Variants in EYS observed in about 807,000 individuals in gnomAD.
EYS encodes the protein protein eyes shut homolog.
A neutral mutation model predicts 282.1 loss-of-function variants in EYS; 250 were observed. The observed-to-expected ratio is 0.89, with a 90% CI of 0.80 to 0.98. The LOEUF is 0.98. Among genes scored for constraint, EYS ranks in the 50% least tolerant of loss-of-function variants. The pLI is 0.00. For synonymous variants in EYS, 1,355 were observed against 1,282.9 expected, an observed-to-expected ratio of 1.06 and a Z score of -1.20; for missense variants, 4,016 against 3,709.0, an observed-to-expected ratio of 1.08 and a Z score of -2.15.
chr6:64,525,921 T>A (rs1287108446), intron 26 of EYS, among the ~76,000 whole-genome samples: 1 of 151,678 alleles, frequency 6.6e-6, no homozygotes, highest in Non-Finnish European at 1.5e-5. Context: ...CTGTACACAA[T>A]CTTTATGGTA....
chr6:65,673,132 T>C (rs1768453913), intron 1 of EYS, among the ~76,000 whole-genome samples: 1 of 152,128 alleles, frequency 6.6e-6, no homozygotes, highest in African/African-American at 2.4e-5. Context: ...ATGGCTTAGC[T>C]CGGATCAGAG....
chr6:65,593,093 G>C (rs1369683262), intron 2 of EYS, among the ~76,000 whole-genome samples: 2 of 152,004 alleles, frequency 1.3e-5, no homozygotes, highest in Non-Finnish European at 1.5e-5. Context: ...TCAATGTACA[G>C]TCCAGTAAAT....
At chr6:64,052,725 C>T (rs1562175925) in intron 33 of EYS, among the ~76,000 whole-genome samples, 1 of 151,978 alleles carries the variant, frequency 6.6e-6, no homozygotes, top group African/African-American at 2.4e-5. Context: ...TGAATCATGG[C>T]GGTGGTTTCT....
chr6:65,626,823 C>G lies in EYS; in HGVS notation c.-333+12955G>C, dbSNP rs188644713. Among the ~76,000 whole-genome samples, 73 of 151,662 alleles carry G rather than the reference C, an allele frequency of 4.8e-4. 1 individual carries two copies. Among genetic ancestry groups the G allele is most frequent in the African/African-American group, 1.7e-3 (69 of 41,366 alleles). ...GATATATATTGACTATGTGTGTGCTCGGCAGTGTTTTATGTATTGTATGGA... is the reference window on the plus strand; with the variant it reads ...GATATATATTGACTATGTGTGTGCTGGGCAGTGTTTTATGTATTGTATGGA... On this transcript the variant is annotated intron_variant, in intron 2 of 42. Coordinates refer to ENST00000503581, the MANE Select transcript of EYS (RefSeq NM_001142800.2).
chr6:65,595,442 C>G (rs1056112061), intron 2 of EYS, among the ~76,000 whole-genome samples: 1 of 151,320 alleles, frequency 6.6e-6, no homozygotes, highest in South Asian at 2.1e-4. Flanking sequence ...ACGTTGTGCA[C>G]ATGTACCCTA....
intron 36 of EYS, among the ~76,000 whole-genome samples, chr6:63,827,285 T>C (rs1323941260): frequency 6.6e-6 from 1 of 152,108 alleles, no homozygotes; most frequent in Non-Finnish European, 1.5e-5. Flanking sequence ...CAATTACTAA[T>C]AGACCTAAGA....
At chr6:64,224,390 G>A (rs1344510837) in intron 31 of EYS, among the ~76,000 whole-genome samples, 1 of 151,808 alleles carries the variant, frequency 6.6e-6, no homozygotes, top group Non-Finnish European at 1.5e-5. Context: ...TATGTCTTTT[G>A]ATTGATTGAA....
intron 33 of EYS, among the ~76,000 whole-genome samples, chr6:64,019,409 T>C (rs1769066090): frequency 1.5e-5 from 2 of 137,614 alleles, no homozygotes; most frequent in African/African-American, 2.7e-5. Flanking sequence ...GATATTTTCT[T>C]TCTTTCCTTT....
intron 29 of EYS, among the ~76,000 whole-genome samples, chr6:64,371,822 A>T (rs1261134404): frequency 6.6e-6 from 1 of 152,042 alleles, no homozygotes; most frequent in Non-Finnish European, 1.5e-5. Flanking sequence ...TGTTGTCTAA[A>T]ATTAAAAGAG....
At position 65,296,001 on chromosome 6, in the gene EYS, A is replaced by C; in HGVS notation, c.1885T>G (p.Cys629Gly). Reference protein sequence around the residue: ...LCLALSHNCNCSGLQRYERNI... With the variant: ...LCLALSHNCNGSGLQRYERNI... ...CTTTCATATCTTTGCAGACCGCTAC[A>C]GTTACAATTGTGCGAAAGGGCCAGG... The change falls in exon 12 of 43, where the codon TGT becomes GGT. Residue 629 changes from cysteine (C) to glycine (G), a missense_variant. Cys to Gly is a radical substitution (Grantham distance 159). Transcript: ENST00000503581. The C allele has an allele frequency of 6.4e-7, 1 of 1,551,264 alleles. No homozygotes were observed. The highest frequency in any genetic ancestry group is 8.7e-7 in the Non-Finnish European group (1 of 1,146,560).
Position 63,806,186 on chromosome 6 carries a change from T to C in EYS, c.7411+4A>G. On this transcript the variant is annotated splice_donor_region_variant and intron_variant, in intron 37 of 42. Coordinates refer to ENST00000503581, the MANE Select transcript of EYS (RefSeq NM_001142800.2). Reference sequence around the variant, plus strand: ...CAAGTCCTAGAGGGTTCAGTTAATCTTACCATGGCCTTTCTGTCCAGTAAA... The same window carrying C: ...CAAGTCCTAGAGGGTTCAGTTAATCCTACCATGGCCTTTCTGTCCAGTAAA... 1 of 1,550,654 alleles carries C rather than the reference T, an allele frequency of 6.4e-7. No individual in the cohort carries two copies. The highest frequency in any genetic ancestry group is 8.7e-7 in the Non-Finnish European group (1 of 1,146,252).
At chr6:64,859,022 G>C (rs1398995048) in intron 19 of EYS, among the ~76,000 whole-genome samples, 1 of 151,772 alleles carries the variant, frequency 6.6e-6, no homozygotes, top group East Asian at 1.9e-4. Context: ...TATTCTAATA[G>C]AAAATGAAGA....
intron 5 of EYS, among the ~76,000 whole-genome samples, chr6:65,441,308 T>C (rs567734384): frequency 3.3e-5 from 5 of 152,068 alleles, no homozygotes; most frequent in African/African-American, 9.6e-5. Flanking sequence ...TTAAGAACTT[T>C]TACTTTTTAA....
At chr6:65,392,142 C>T (rs1481849529) in intron 7 of EYS, among the ~76,000 whole-genome samples, 3 of 151,972 alleles carry the variant, frequency 2.0e-5, no homozygotes, top group African/African-American at 7.3e-5. Flanking sequence ...AACTGGATCC[C>T]TTCCTTACAC....
chr6:65,057,726 AC>A lies in EYS; in HGVS notation c.2024del (p.Gly675ValfsTer8). On this transcript the variant is annotated frameshift_variant and splice_region_variant, in exon 13 of 43. Coordinates refer to ENST00000503581, the MANE Select transcript of EYS (RefSeq NM_001142800.2). LOFTEE classifies it high-confidence loss of function. ...CATCTATATCAATTTCACATTGCGT[AC>A]CTTTGGAAAATAGGAAAAAAAAATG... Reference protein sequence around the residue: ...FFRKCVPGFKGTQCEIDIDEC... With the variant: ...FFRKCVPGFKXTQCEIDIDEC... 1 of 1,534,268 alleles carries A rather than the reference AC, an allele frequency of 6.5e-7. No individual in the cohort carries two copies. Among genetic ancestry groups the A allele is most frequent in the Non-Finnish European group, 8.8e-7 (1 of 1,132,904 alleles).
At chr6:65,206,729 T>C (rs1176547452) in intron 12 of EYS, among the ~76,000 whole-genome samples, 1 of 151,786 alleles carries the variant, frequency 6.6e-6, no homozygotes, top group African/African-American at 2.4e-5. Context: ...CATTTGCAAA[T>C]CAATGAATGT....
intron 11 of EYS, among the ~76,000 whole-genome samples, chr6:65,325,974 A>T (rs1769607073): frequency 6.6e-6 from 1 of 152,100 alleles, no homozygotes; most frequent in Admixed American, 6.6e-5. Context: ...CCACTTATTT[A>T]TTCTATAGCT....
chr6:65,384,408 A>G lies in EYS; in HGVS notation c.1277T>C (p.Phe426Ser). The change falls in exon 8 of 43, where the codon TTC becomes TCC. Residue 426 changes from phenylalanine (F) to serine (S), a missense_variant. By Grantham distance (155) the Phe-to-Ser change is radical. Transcript: ENST00000503581. The part of the protein sequence containing the change: ...SINCLNEEWC[F>S]NIIGRFKYVC... ...TACTTTGAATCTTCCAATTATATTG[A>G]AACACCATTCTTCATTCAGACAGTT... 6.2e-7 allele frequency: 1 copy of G among 1,605,072 alleles called. No homozygotes were observed. Among genetic ancestry groups the G allele is most frequent in the Non-Finnish European group, 8.5e-7 (1 of 1,173,798 alleles).
intron 12 of EYS, among the ~76,000 whole-genome samples, chr6:65,105,449 G>A (rs1775008816): frequency 6.6e-6 from 1 of 151,502 alleles, no homozygotes; most frequent in South Asian, 2.1e-4. Flanking sequence ...GAAAAACCTT[G>A]TTTTCCTTTC....
Sources: gnomAD v4.1 joint callset for allele counts (sites outside exome capture counted in the v4.1 genomes callset) on GRCh38, gnomAD v4.1.1 for gene constraint, MANE v1.5 for transcripts, NCBI Gene and HGNC (gene_info 2026-07-23, HGNC 2026-07-21) for gene names.